Variants in PALM2AKAP2 observed in about 807,000 individuals in gnomAD.
PALM2AKAP2 encodes PALM2 and AKAP2 fusion.
Under a neutral mutation model 71.5 loss-of-function variants are expected in PALM2AKAP2, and 37 were observed. The ratio of observed to expected loss-of-function variants is 0.52; its 90% CI spans 0.40 to 0.68. The LOEUF (loss-of-function observed/expected upper bound fraction) is 0.68. Among genes scored for constraint, PALM2AKAP2 ranks in the 30% least tolerant of loss-of-function variants. The pLI, the probability that PALM2AKAP2 is intolerant of heterozygous loss-of-function variation, is 0.00. For synonymous variants in PALM2AKAP2, 468 were observed against 478.8 expected (o/e 0.98, Z 0.29); for missense variants, 1,224 against 1,191.8 (o/e 1.03, Z -0.40).
At chr9:109,651,349 C>T (rs539580054) in intron 1 of PALM2AKAP2, among the ~76,000 whole-genome samples, 1 of 152,366 alleles carries the variant, frequency 6.6e-6, no homozygotes, top group Non-Finnish European at 1.5e-5. Context: ...CTGGTAGCCA[C>T]TTCCTTCCTT....
In PALM2AKAP2 at chr9:109,751,883, A is replaced by C. The variant is rs551404240; in HGVS notation, c.6-28605A>C. Among the ~76,000 whole-genome samples the C allele has an allele frequency of 3.9e-5, 6 of 152,306 alleles. No homozygotes were observed. In the East Asian group the frequency reaches 5.8e-4, roughly 15 times the overall value. ...GAATATGGGGAGAATAGCTATTCCCAAGGATACCCTTTTTCTTTCTTAGTG... is the reference window on the plus strand; with the variant it reads ...GAATATGGGGAGAATAGCTATTCCCCAGGATACCCTTTTTCTTTCTTAGTG... On this transcript the variant is annotated intron_variant, in intron 1 of 6. Transcript: ENST00000374531.
intron 1 of PALM2AKAP2, among the ~76,000 whole-genome samples, chr9:110,065,577 C>A (rs1834061849): frequency 6.6e-6 from 1 of 152,192 alleles, no homozygotes; most frequent in Non-Finnish European, 1.5e-5. Context: ...CCCTCTAAAC[C>A]ATTTTTTAGT....
intron 1 of PALM2AKAP2, among the ~76,000 whole-genome samples, chr9:109,656,313 T>C (rs1324905621): frequency 5.3e-5 from 8 of 152,164 alleles, no homozygotes; most frequent in African/African-American, 1.9e-4. Context: ...CAGCCAGACC[T>C]TCTAGGCCAC....
chr9:110,073,108 T>G (rs1374796228), intron 1 of PALM2AKAP2, among the ~76,000 whole-genome samples: 1 of 152,222 alleles, frequency 6.6e-6, no homozygotes, highest in Non-Finnish European at 1.5e-5. Context: ...AAATTACAAT[T>G]GATTCTGTAA....
At chr9:110,114,418 C>G (rs1406018951) in intron 1 of PALM2AKAP2, among the ~76,000 whole-genome samples, 3 of 152,164 alleles carry the variant, frequency 2.0e-5, no homozygotes, top group African/African-American at 7.2e-5. Flanking sequence ...GATCCTATTT[C>G]CAAGTGTTAC....
At chr9:109,983,644 C>G (rs1402815445) in intron 6 of PALM2AKAP2, among the ~76,000 whole-genome samples, 2 of 152,072 alleles carry the variant, frequency 1.3e-5, no homozygotes, top group Admixed American at 6.5e-5. Flanking sequence ...GTGGATGGAT[C>G]ACTTGAGGCT....
chr9:109,815,359 T>C (rs1156988422), intron 1 of PALM2AKAP2, among the ~76,000 whole-genome samples: 2 of 152,198 alleles, frequency 1.3e-5, no homozygotes. Flanking sequence ...CATGTAGGTA[T>C]GGAATTCAGG....
At chr9:110,127,310 G>A (rs1835629958) in intron 1 of PALM2AKAP2, among the ~76,000 whole-genome samples, 1 of 152,124 alleles carries the variant, frequency 6.6e-6, no homozygotes, top group South Asian at 2.1e-4. Context: ...CGAGCCTGCC[G>A]GGTCCAAATT....
chr9:109,956,149 CGCATGCCACCAT>C (rs1451686541), intron 6 of PALM2AKAP2, among the ~76,000 whole-genome samples: 1 of 151,500 alleles, frequency 6.6e-6, no homozygotes, highest in Non-Finnish European at 1.5e-5. Context: ...GGATTACAGG[CGCATGCCACCAT>C]GCCAGGCTAA....
rs1392123725 is a variant in PALM2AKAP2, at chr9:110,163,168, TTTC to T, written c.2749-5229_2749-5227del. 2.3e-4 allele frequency among the ~76,000 whole-genome samples: 35 copies of T among 151,458 alleles called. 1 individual carries two copies. The highest frequency in any genetic ancestry group is 8.3e-4 in the African/African-American group (34 of 40,768). Reference sequence around the variant, plus strand: ...AAGCACAATATTTTTCATATTTTTATTTCTGTATTTTATTTTGATTTTAAAAGA... The same window carrying T: ...AAGCACAATATTTTTCATATTTTTATTGTATTTTATTTTGATTTTAAAAGA... On this transcript the variant is annotated intron_variant, in intron 3 of 3. Coordinates refer to ENST00000374525, the Ensembl canonical transcript of PALM2AKAP2.
intron 1 of PALM2AKAP2, among the ~76,000 whole-genome samples, chr9:110,082,838 C>T (rs1834478821): frequency 6.6e-6 from 1 of 152,060 alleles, no homozygotes; most frequent in East Asian, 1.9e-4. Context: ...AACTCTGTAC[C>T]CATTAAACAA....
At chr9:109,732,832 T>C (rs1828576604) in intron 1 of PALM2AKAP2, among the ~76,000 whole-genome samples, 2 of 152,134 alleles carry the variant, frequency 1.3e-5, no homozygotes. Context: ...TCTGAGGTGG[T>C]GGAGCAAGTT....
At chr9:109,771,407 T>A (rs1211002831) in intron 1 of PALM2AKAP2, among the ~76,000 whole-genome samples, 1 of 152,088 alleles carries the variant, frequency 6.6e-6, no homozygotes, top group East Asian at 1.9e-4. Context: ...GAAGAAGGTG[T>A]CAAGTTCTCT....
chr9:109,847,345 A>C lies in PALM2AKAP2; in HGVS notation c.46-20146A>C, dbSNP rs2131610031. Among the ~76,000 whole-genome samples the C allele has an allele frequency of 1.3e-5, 2 of 152,326 alleles. 1 individual carries two copies. The highest frequency in any genetic ancestry group is 2.9e-5 in the Non-Finnish European group (2 of 68,024). ...ATGCCAGCAGCTGCCAGAAGCTTAA[A>C]GAGGCAAAGGATGAATTGTCCCCTA... On this transcript the variant is annotated intron_variant, in intron 1 of 9. Transcript: ENST00000302798.
chr9:109,644,384 G>A (rs892026068), intron 1 of PALM2AKAP2, among the ~76,000 whole-genome samples: 28 of 152,058 alleles, frequency 1.8e-4, no homozygotes, highest in African/African-American at 6.8e-4. Context: ...CTTACTTACT[G>A]TAACCAACTT....
intron 3 of PALM2AKAP2, among the ~76,000 whole-genome samples, chr9:109,896,503 G>A (rs1017990367): frequency 6.6e-6 from 1 of 152,102 alleles, no homozygotes; most frequent in African/African-American, 2.4e-5. Flanking sequence ...GGAGTCATAT[G>A]CAGCTCTAAT....
intron 1 of PALM2AKAP2, among the ~76,000 whole-genome samples, chr9:109,839,304 A>C (rs1028640003): frequency 6.6e-6 from 1 of 152,248 alleles, no homozygotes; most frequent in Admixed American, 6.5e-5. Flanking sequence ...ATCTCAATAG[A>C]TGCAGAAAAG....
At chr9:109,911,458 A>G (rs1588002557) in intron 3 of PALM2AKAP2, among the ~76,000 whole-genome samples, 1 of 152,202 alleles carries the variant, frequency 6.6e-6, no homozygotes, top group African/African-American at 2.4e-5. Context: ...GCTGAAGCAC[A>G]CTTATGGAGA....
chr9:109,905,772 G>T (rs536329507), intron 3 of PALM2AKAP2, among the ~76,000 whole-genome samples: 40 of 152,106 alleles, frequency 2.6e-4, no homozygotes, highest in African/African-American at 9.2e-4. Context: ...CTTAAATTAG[G>T]GCCTCAAGCT....
Sources: gnomAD v4.1 joint callset for allele counts (sites outside exome capture counted in the v4.1 genomes callset) on GRCh38, gnomAD v4.1.1 for gene constraint, MANE v1.5 for transcripts, NCBI Gene and HGNC (gene_info 2026-07-23, HGNC 2026-07-21) for gene names.